LSM14B: variants seen among roughly 807,000 people sequenced by gnomAD.
LSM14B encodes the protein protein LSM14 homolog B.
A neutral mutation model predicts 42.1 loss-of-function variants in LSM14B; 8 were observed. The ratio of observed to expected loss-of-function variants is 0.19; its 90% CI spans 0.11 to 0.34. The LOEUF is 0.34. LSM14B is among the 10% of genes least tolerant of loss of function. LSM14B has a pLI of 1.00. For missense variants in LSM14B, 396 were observed against 513.1 expected (o/e 0.77, Z 2.21); for synonymous variants, 219 against 209.7 (o/e 1.04, Z -0.38).
intron 2 of LSM14B, among the ~76,000 whole-genome samples, chr20:62,125,096 G>T (rs1600917461): frequency 6.6e-6 from 1 of 152,246 alleles, no homozygotes; most frequent in East Asian, 1.9e-4. Flanking sequence ...GGCCAGGATG[G>T]TCTCAATCTC....
chr20:62,127,153 C>G (rs2056631402), intron 3 of LSM14B, among the ~76,000 whole-genome samples: 1 of 152,202 alleles, frequency 6.6e-6, no homozygotes, highest in African/African-American at 2.4e-5. Flanking sequence ...CCTTATTCTA[C>G]TGTAAGTGCC....
rs370488847 is a variant in LSM14B at position 62,131,420 on chromosome 20, C to T, written c.900C>T (p.Pro300=). The change falls in exon 7 of 9, where the codon CCC becomes CCT. Residue 300 remains proline (P), a synonymous_variant. Transcript: ENST00000279068. ...TGGTGACCCAGAGTGCCGAAGCGCC[C>T]GCTGAGGAAGACCTTCTGGGGCCCA... ...LAVVTQSAEA[P]AEEDLLGPNC... 8.4e-5 allele frequency: 135 copies of T among 1,613,554 alleles called. No homozygotes were observed. The highest frequency in any genetic ancestry group is 1.0e-4 in the Non-Finnish European group (118 of 1,179,748).
Position 62,134,315 on chromosome 20 carries a change from G to C in LSM14B, c.*167G>C, listed in dbSNP as rs1444789926. 2.1e-6 allele frequency: 1 copy of C among 471,832 alleles called. No homozygotes were observed. The highest frequency in any genetic ancestry group is 2.3e-5 in the Admixed American group (1 of 42,588). The allele number at this position is 471,832 out of a possible 1,614,324, so 29.2% of individuals were successfully genotyped here. On this transcript the variant is annotated 3_prime_UTR_variant, in exon 9 of 9. Transcript: ENST00000279068. ...TTGGACTTAACTGAACTTGGACATG[G>C]TCTGAGTTAGAACCACTTGTTTTGG...
In LSM14B at chr20:62,135,062, T is replaced by C. The variant is rs1442000386; in HGVS notation, c.*914T>C. 1.3e-5 allele frequency: 2 copies of C among 152,106 alleles called. No homozygotes were observed. Among genetic ancestry groups the C allele is most frequent in the African/African-American group, 4.8e-5 (2 of 41,414 alleles). The allele number at this position is 152,106 out of a possible 1,614,324, so 9.4% of individuals were successfully genotyped here. ...ATATTTCCCCTCTGTTGTACATCGT[T>C]GTTTTGTGTTTGTGTTGTAACAGTG... On this transcript the variant is annotated 3_prime_UTR_variant, in exon 9 of 9. Transcript: ENST00000279068.
rs763597226 is a variant in LSM14B, at chr20:62,133,416, C to T, written c.1113C>T (p.Thr371=). 9.7e-5 allele frequency: 156 copies of T among 1,612,998 alleles called. No individual in the cohort carries two copies. Among genetic ancestry groups the T allele is most frequent in the Non-Finnish European group, 1.3e-4 (148 of 1,179,574 alleles). The part of the protein sequence containing the change: ...GFRGGRGNGT[T]RRNPTSHRAG... ...GAGGAGGCAGGGGCAATGGGACCAC[C>T]CGTCGCAACCCCACTTCCCACAGGG... The change falls in exon 8 of 9, where the codon ACC becomes ACT. Residue 371 remains threonine (T), a synonymous_variant. Coordinates refer to ENST00000279068, the MANE Select transcript of LSM14B (RefSeq NM_144703.3).
rs917323710 is a variant in LSM14B, at chr20:62,126,535, A to T, written c.427+96A>T. 9.5e-6 allele frequency: 14 copies of T among 1,473,706 alleles called. No homozygotes were observed. The African/African-American group carries it at 1.8e-4, about 19-fold the overall frequency. The allele number at this position is 1,473,706 out of a possible 1,614,324, so 91.3% of individuals were successfully genotyped here. A position where few individuals can be genotyped will look rare whatever the true frequency, so the allele number is the denominator to read the frequency against. ...GAGGGTGGGGATATGCATTCCTGTC[A>T]TGCTCAGCTTGTAGACTGTTTTGTT... On this transcript the variant is annotated intron_variant, in intron 3 of 8. Transcript: ENST00000279068.
At chr20:62,126,198 G>GA (rs1206322365) in intron 2 of LSM14B, 106 bp from the exon 3 acceptor site, 1 of 1,549,350 alleles carries the variant, frequency 6.5e-7, no homozygotes, top group African/African-American at 1.4e-5. Flanking sequence ...CAAGGGTGCA[G>GA]GCTGATGGGA....
In LSM14B at chr20:62,130,033, TAA is replaced by T; in HGVS notation, c.595+82_595+83del. 1 of 1,374,438 alleles carries T rather than the reference TAA, an allele frequency of 7.3e-7. No individual in the cohort carries two copies. 85.1% of individuals were successfully genotyped at this position (1,374,438 alleles called of 1,614,324 possible). Reference sequence around the variant, plus strand: ...ACTTCCTGGGCTATTTTTTTTTTTTTAATTAAAAAAATACTACTCCCCCATCC... The same window carrying T: ...ACTTCCTGGGCTATTTTTTTTTTTTTTTAAAAAAATACTACTCCCCCATCC... On this transcript the variant is annotated intron_variant, in intron 4 of 8. Coordinates refer to ENST00000279068, the MANE Select transcript of LSM14B (RefSeq NM_144703.3). The surrounding 1 kb of genome is among the most constrained non-coding windows in gnomAD (Gnocchi z 4.1).
At chr20:62,126,518 G>A (rs1342560818) in intron 3 of LSM14B, 79 bp downstream of exon 3, 1 of 1,535,796 alleles carries the variant, frequency 6.5e-7, no homozygotes, top group Non-Finnish European at 8.8e-7. Context: ...CTGAGGGTGG[G>A]GATATGCATT....
At chr20:62,132,360 G>T (rs1156407607) in intron 7 of LSM14B, among the ~76,000 whole-genome samples, 1 of 152,326 alleles carries the variant, frequency 6.6e-6, no homozygotes, top group South Asian at 2.1e-4. Context: ...TCCAAGTGCC[G>T]CGGGAAGCCA....
chr20:62,129,797 C>T lies in LSM14B; in HGVS notation c.440C>T (p.Pro147Leu), dbSNP rs1003978854. ...CTCCTCAATTCAGGAGCTGGTTTTC[C>T]ATCCATCCCAGTCGGCAAGAGCCCC... ...AASLGLGAGF[P>L]SIPVGKSPMV... The change falls in exon 4 of 9, where the codon CCA becomes CTA. Residue 147 changes from proline (P) to leucine (L), a missense_variant. Transcript: ENST00000279068. 2 of 1,609,114 alleles carry T rather than the reference C, an allele frequency of 1.2e-6. No individual in the cohort carries two copies. The highest frequency in any genetic ancestry group is 1.7e-6 in the Non-Finnish European group (2 of 1,178,064).
chr20:62,127,116 G>A (rs565528970), intron 3 of LSM14B, among the ~76,000 whole-genome samples: 11 of 152,332 alleles, frequency 7.2e-5, no homozygotes, highest in African/African-American at 1.2e-4. Context: ...AAATATAGAC[G>A]TGAAATACAA....
intron 7 of LSM14B, among the ~76,000 whole-genome samples, 167 bp downstream of exon 7, chr20:62,131,673 G>A (rs2056770045): frequency 6.6e-6 from 1 of 152,200 alleles, no homozygotes; most frequent in African/African-American, 2.4e-5. Context: ...CAGGTTGCGT[G>A]TGGGAAGCCT....
At position 62,124,703 on chromosome 20, in the gene LSM14B, A is replaced by G. The variant is rs1454066861; in HGVS notation, c.214A>G (p.Ser72Gly). The G allele has an allele frequency of 2.5e-6, 4 of 1,613,756 alleles. No individual in the cohort carries two copies. In the African/African-American group the frequency reaches 4.0e-5, roughly 16 times the overall value. The change falls in exon 2 of 9, where the codon AGT (serine) becomes GGT (glycine). Residue 72 changes from serine (S) to glycine (G), a missense_variant. By Grantham distance (56) the Ser-to-Gly change is moderately conservative. Around this residue, in one of 3 missense-constraint regions of LSM14B, gnomAD observed 274 missense variants for 335.8 expected, o/e 0.82. Transcript: ENST00000279068. ...EIYEYIIFRG[S>G]DIKDITVCEP... is the part of the protein sequence containing the mutation. Reference sequence around the variant, plus strand: ...TTATGAGTACATCATTTTCCGAGGAAGTGACATCAAGGATATCACTGTGTG... The same window carrying G: ...TTATGAGTACATCATTTTCCGAGGAGGTGACATCAAGGATATCACTGTGTG...
At chr20:62,128,785 G>A (rs757172699) in intron 3 of LSM14B, 75 of 433,170 alleles carry the variant, frequency 1.7e-4, no homozygotes, top group South Asian at 6.6e-4. Context: ...CCCTTTGAGA[G>A]CTTCTCTTGA....
chr20:62,130,152 C>T lies in LSM14B; in HGVS notation c.596-67C>T. ...TGCCCCATGGTGGTGGGGCCTGCTT[C>T]CACAGCTGGGTTCTGGCTTCCGGCT... On this transcript the variant is annotated intron_variant, in intron 4 of 8. Transcript: ENST00000279068. The surrounding 1 kb of genome is among the most constrained non-coding windows in gnomAD (Gnocchi z 4.1). The T allele has an allele frequency of 6.5e-7, 1 of 1,543,836 alleles. No individual in the cohort carries two copies. The highest frequency in any genetic ancestry group is 8.8e-7 in the Non-Finnish European group (1 of 1,141,222).
intron 4 of LSM14B, 21 bp downstream of exon 4, chr20:62,129,973 C>T (rs751397606): frequency 6.3e-7 from 1 of 1,588,486 alleles, no homozygotes. Flanking sequence ...ACATCATTTC[C>T]TGGAGTTTGC....
intron 3 of LSM14B, among the ~76,000 whole-genome samples, chr20:62,127,308 G>A (rs1482084970): frequency 3.9e-5 from 6 of 152,296 alleles, no homozygotes; most frequent in Middle Eastern, 3.4e-3. Flanking sequence ...GGTGATCCAC[G>A]ACCCTTGCTC....
At position 62,134,377 on chromosome 20, in the gene LSM14B, A is replaced by T. The variant is rs1309822290; in HGVS notation, c.*229A>T. The T allele has an allele frequency of 2.2e-6, 1 of 462,520 alleles. No individual in the cohort carries two copies. The highest frequency in any genetic ancestry group is 2.0e-5 in the African/African-American group (1 of 49,144). The allele number at this position is 462,520 out of a possible 1,614,324, so 28.7% of individuals were successfully genotyped here. A position where few individuals can be genotyped will look rare whatever the true frequency, so the allele number is the denominator to read the frequency against. ...TGGGTAACCTCTTTGAGGTCTCTTT[A>T]TCTGTGTTTCCTTTTTAGTTGCGCA... On this transcript the variant is annotated 3_prime_UTR_variant, in exon 9 of 9. Coordinates refer to ENST00000279068, the MANE Select transcript of LSM14B (RefSeq NM_144703.3).
Sources: gnomAD v4.1 joint callset for allele counts (sites outside exome capture counted in the v4.1 genomes callset) on GRCh38, gnomAD v4.1.1 for gene constraint, gnomAD v4.1.1 regional missense constraint, Gnocchi (gnomAD v3.1) non-coding constraint, MANE v1.5 for transcripts, NCBI Gene and HGNC (gene_info 2026-07-23, HGNC 2026-07-21) for gene names.